NFYC: variants seen among roughly 807,000 people sequenced by gnomAD.
NFYC encodes the protein CAAT box DNA-binding protein subunit C.
NFYC carries 25 observed loss-of-function variants against 53.1 expected under a neutral mutation model. The ratio of observed to expected loss-of-function variants is 0.47; its 90% CI spans 0.34 to 0.66. NFYC has a LOEUF of 0.66. Ranked by LOEUF, NFYC falls within the 30% of genes least tolerant of loss-of-function variation. NFYC has a pLI of 0.01. For synonymous variants in NFYC, 145 were observed against 152.6 expected, an observed-to-expected ratio of 0.95 and a Z score of 0.37; for missense variants, 260 against 422.7, an observed-to-expected ratio of 0.62 and a Z score of 3.38.
chr1:40,729,699 G>A (rs552113681), intron 1 of NFYC, among the ~76,000 whole-genome samples: 59 of 149,722 alleles, frequency 3.9e-4, no homozygotes, highest in Middle Eastern at 3.4e-3. Context: ...TTTTTGAACC[G>A]GAGTCTTGCA....
rs564453087 is a variant in NFYC, at chr1:40,756,641, G to C, written c.388-1480G>C. On this transcript the variant is annotated intron_variant, in intron 5 of 9. Transcript: ENST00000447388. ...GCTGCTTCCTCACACTGTGGCCACA[G>C]AGTCTTAGAGGTACCAAAAGAGAGT... Among the ~76,000 whole-genome samples the C allele has an allele frequency of 2.1e-3, 315 of 152,334 alleles. 3 individuals are homozygous for C. Among genetic ancestry groups the C allele is most frequent in the African/African-American group, 7.1e-3 (295 of 41,576 alleles).
At chr1:40,704,575 C>T (rs1272539728) in intron 1 of NFYC, among the ~76,000 whole-genome samples, 1 of 152,180 alleles carries the variant, frequency 6.6e-6, no homozygotes, top group Admixed American at 6.5e-5. Flanking sequence ...TTTGGGTTCT[C>T]TTCCCACTGT....
intron 1 of NFYC, among the ~76,000 whole-genome samples, chr1:40,738,095 G>A (rs974710446): frequency 2.2e-4 from 33 of 151,858 alleles, no homozygotes; most frequent in African/African-American, 6.5e-4. Flanking sequence ...GTAGAGACGG[G>A]GTTTCACTGT....
At chr1:40,724,799 A>G (rs1303207346) in intron 1 of NFYC, among the ~76,000 whole-genome samples, 1 of 152,162 alleles carries the variant, frequency 6.6e-6, no homozygotes, top group Non-Finnish European at 1.5e-5. Context: ...ACCAAATAGA[A>G]AAGTATTTTT....
In NFYC at chr1:40,759,305, CAGG is replaced by C. The variant is rs1646408198; in HGVS notation, c.561+1016_561+1018del. On this transcript the variant is annotated intron_variant, in intron 6 of 9. Coordinates refer to ENST00000447388, the MANE Select transcript of NFYC (RefSeq NM_014223.5). ...ATTCCAGCACTTTGGGAGGCCGAGG[CAGG>C]AGGATTGCTTGAGCCCACGTGTTCA... Among the ~76,000 whole-genome samples the C allele has an allele frequency of 3.3e-5, 5 of 151,118 alleles. 1 individual carries two copies. In the South Asian group the frequency reaches 1.1e-3, roughly 32 times the overall value.
intron 1 of NFYC, among the ~76,000 whole-genome samples, chr1:40,719,677 C>T (rs778752576): frequency 7.2e-5 from 11 of 152,014 alleles, no homozygotes; most frequent in Non-Finnish European, 1.6e-4. Flanking sequence ...ATCAGGAAAA[C>T]GAAAGGTAAA....
At chr1:40,767,306 C>T (rs1325411324) in intron 8 of NFYC, 1 of 320,126 alleles carries the variant, frequency 3.1e-6, no homozygotes, top group Non-Finnish European at 6.0e-6. Flanking sequence ...ATTCTTTTGC[C>T]TCAGACCCAA....
chr1:40,743,519 C>G (rs1645457541), intron 2 of NFYC, among the ~76,000 whole-genome samples: 1 of 152,230 alleles, frequency 6.6e-6, no homozygotes, highest in Non-Finnish European at 1.5e-5. Context: ...ATCTAATTCT[C>G]TACTTACTCT....
At chr1:40,759,410 C>G (rs1173166906) in intron 6 of NFYC, among the ~76,000 whole-genome samples, 1 of 151,942 alleles carries the variant, frequency 6.6e-6, no homozygotes, top group East Asian at 1.9e-4. Context: ...GTGGCATGCT[C>G]TTATGGCCCC....
intron 7 of NFYC, 57 bp from the exon 8 acceptor site, chr1:40,766,539 C>G: frequency 7.6e-7 from 1 of 1,316,290 alleles, no homozygotes; most frequent in East Asian, 2.5e-5. Flanking sequence ...GGAAAGTTTG[C>G]CTGTTTGAGA....
intron 5 of NFYC, among the ~76,000 whole-genome samples, chr1:40,756,732 T>G (rs766666771): frequency 6.6e-6 from 1 of 152,296 alleles, no homozygotes; most frequent in Non-Finnish European, 1.5e-5. Flanking sequence ...TATCAGCAAG[T>G]TGGATTCAGA....
intron 1 of NFYC, among the ~76,000 whole-genome samples, chr1:40,703,838 C>T (rs1643562899): frequency 1.3e-5 from 2 of 152,146 alleles, no homozygotes; most frequent in East Asian, 3.8e-4. Context: ...ATGTTGAGTG[C>T]TTTCACTTAT....
intron 1 of NFYC, among the ~76,000 whole-genome samples, chr1:40,702,288 C>G (rs898448063): frequency 6.6e-6 from 1 of 151,370 alleles, no homozygotes; most frequent in Non-Finnish European, 1.5e-5. Flanking sequence ...ATTCTAATGA[C>G]GTGGTCATTG....
At chr1:40,713,871 T>C (rs1408634251) in intron 1 of NFYC, among the ~76,000 whole-genome samples, 1 of 152,208 alleles carries the variant, frequency 6.6e-6, no homozygotes, top group African/African-American at 2.4e-5. Context: ...ACAGAGAAAA[T>C]GTGCCATGGA....
chr1:40,698,507 A>C (rs1033975182), intron 1 of NFYC, among the ~76,000 whole-genome samples: 1 of 150,844 alleles, frequency 6.6e-6, no homozygotes, highest in Non-Finnish European at 1.5e-5. Flanking sequence ...GCTCACTGCA[A>C]CCTCTGCCTT....
intron 1 of NFYC, among the ~76,000 whole-genome samples, chr1:40,714,397 A>G (rs542042172): frequency 6.6e-6 from 1 of 152,176 alleles, no homozygotes; most frequent in African/African-American, 2.4e-5. Context: ...TTTGTTCTTT[A>G]TATTCTTTGA....
chr1:40,711,302 T>C (rs1643919891), intron 1 of NFYC, among the ~76,000 whole-genome samples: 1 of 152,196 alleles, frequency 6.6e-6, no homozygotes, highest in African/African-American at 2.4e-5. Context: ...AAGTATGTGT[T>C]AAGGATTACA....
intron 2 of NFYC, among the ~76,000 whole-genome samples, chr1:40,741,567 G>A (rs1645342815): frequency 6.6e-6 from 1 of 151,430 alleles, no homozygotes; most frequent in South Asian, 2.1e-4. Context: ...GTTGAAGCAT[G>A]TGACAGGATG....
intron 8 of NFYC, chr1:40,769,098 C>T: frequency 2.4e-6 from 1 of 421,996 alleles, no homozygotes; most frequent in Non-Finnish European, 4.4e-6. Flanking sequence ...AGGGAGTAGG[C>T]ATTCATTAGA....
Sources: gnomAD v4.1 joint callset for allele counts (sites outside exome capture counted in the v4.1 genomes callset) on GRCh38, gnomAD v4.1.1 for gene constraint, MANE v1.5 for transcripts, NCBI Gene and HGNC (gene_info 2026-07-23, HGNC 2026-07-21) for gene names.